DAB1: variants seen among roughly 807,000 people sequenced by gnomAD.
The protein encoded by DAB1 is DAB adaptor protein 1, also known as disabled homolog 1.
In DAB1, 15 loss-of-function variants were observed where a neutral mutation model predicts 64.6. The observed-to-expected ratio is 0.23, with a 90% CI of 0.16 to 0.36. The LOEUF (loss-of-function observed/expected upper bound fraction) is 0.36, where lower values mean the gene tolerates loss of function less well. DAB1 is among the 10% of genes least tolerant of loss of function. The pLI, the probability that DAB1 is intolerant of heterozygous loss-of-function variation, is 1.00. For missense variants in DAB1, 596 were observed against 706.7 expected (o/e 0.84, Z 1.78); for synonymous variants, 235 against 251.9 (o/e 0.93, Z 0.64).
intron 4 of DAB1, among the ~76,000 whole-genome samples, chr1:58,298,007 C>A (rs559213035): frequency 2.6e-5 from 4 of 152,176 alleles, no homozygotes; most frequent in South Asian, 2.1e-4. Context: ...AAAGCGCTTT[C>A]AAGTAAAGTA....
At chr1:58,166,750 G>A (rs866409318) in intron 4 of DAB1, among the ~76,000 whole-genome samples, 2 of 134,956 alleles carry the variant, frequency 1.5e-5, no homozygotes, top group Non-Finnish European at 1.6e-5. Context: ...TTGTTTGTTC[G>A]TTTTTTTTTT....
intron 5 of DAB1, among the ~76,000 whole-genome samples, chr1:58,092,412 T>TGATCC (rs1369842817): frequency 6.6e-6 from 1 of 152,168 alleles, no homozygotes; most frequent in Non-Finnish European, 1.5e-5. Flanking sequence ...CCTCTTCAGC[T>TGATCC]GATCCCCTCA....
At chr1:57,632,828 ATTG>A in intron 7 of DAB1, among the ~76,000 whole-genome samples, 1 of 152,298 alleles carries the variant, frequency 6.6e-6, no homozygotes, top group South Asian at 2.1e-4. Context: ...GAAGTAAGGA[ATTG>A]TTATTCTCTG....
At chr1:57,624,431 T>A (rs1039748917) in intron 7 of DAB1, among the ~76,000 whole-genome samples, 1 of 152,146 alleles carries the variant, frequency 6.6e-6, no homozygotes, top group Non-Finnish European at 1.5e-5. Flanking sequence ...TGGTTGGGCA[T>A]ACTCAATGAG....
chr1:57,470,433 A>G (rs1013732136), intron 7 of DAB1, among the ~76,000 whole-genome samples: 1 of 152,206 alleles, frequency 6.6e-6, no homozygotes, highest in South Asian at 2.1e-4. Flanking sequence ...CCTACAATTT[A>G]AAGTGTTCTT....
chr1:57,178,574 T>A (rs1321630622), intron 2 of DAB1, among the ~76,000 whole-genome samples: 1 of 152,150 alleles, frequency 6.6e-6, no homozygotes, highest in Non-Finnish European at 1.5e-5. Context: ...GATAAAACTA[T>A]AGAGAAAAGC....
chr1:57,822,726 A>G (rs1435050848), downstream of DAB1, among the ~76,000 whole-genome samples: 1 of 152,180 alleles, frequency 6.6e-6, no homozygotes, highest in Non-Finnish European at 1.5e-5. Context: ...GTAAGTTTGC[A>G]TTTTCTAGTA....
chr1:58,079,364 A>C (rs1477914130), intron 5 of DAB1, among the ~76,000 whole-genome samples: 2 of 152,074 alleles, frequency 1.3e-5, no homozygotes, highest in Admixed American at 1.3e-4. Flanking sequence ...TTACCACTGC[A>C]TCATGTACTT....
chr1:57,840,199 G>T (rs1399033189), intron 1 of DAB1, among the ~76,000 whole-genome samples: 1 of 152,176 alleles, frequency 6.6e-6, no homozygotes, highest in Non-Finnish European at 1.5e-5. Context: ...AATGTTAGAA[G>T]GGAGCTCAGT....
intron 2 of DAB1, among the ~76,000 whole-genome samples, chr1:57,277,877 A>G (rs1671594473): frequency 6.6e-6 from 1 of 152,206 alleles, no homozygotes; most frequent in African/African-American, 2.4e-5. Flanking sequence ...TGCAAGTCCC[A>G]GCATGGTGTG....
intron 11 of DAB1, 113 bp from the exon 12 acceptor site, chr1:57,015,544 G>A (rs1646402579): frequency 1.1e-6 from 1 of 947,096 alleles, no homozygotes; most frequent in Admixed American, 2.8e-5. Context: ...GTGCCAGACT[G>A]TGTGCCAGGG....
intron 5 of DAB1, among the ~76,000 whole-genome samples, chr1:58,040,560 TC>T (rs1647119828): frequency 1.3e-5 from 2 of 152,350 alleles, no homozygotes; most frequent in Middle Eastern, 6.8e-3. Flanking sequence ...ATAAAATGAC[TC>T]CCAACTTTTA....
intron 2 of DAB1, among the ~76,000 whole-genome samples, chr1:57,238,332 G>A (rs1216688657): frequency 6.6e-6 from 1 of 152,206 alleles, no homozygotes; most frequent in Non-Finnish European, 1.5e-5. Context: ...TGTAGCAAGA[G>A]GCTTACAGCC....
chr1:58,437,704 T>C (rs706431), intron 3 of DAB1, among the ~76,000 whole-genome samples: 89,411 of 152,078 alleles, frequency 0.59, 26,898 homozygotes, highest in African/African-American at 0.71. Context: ...TATCTGTAAG[T>C]ATTTGTGGGG....
intron 6 of DAB1, among the ~76,000 whole-genome samples, chr1:57,798,270 G>C (rs2101868720): frequency 6.6e-6 from 1 of 152,340 alleles, no homozygotes; most frequent in African/African-American, 2.4e-5. Flanking sequence ...GAGAGCTGCG[G>C]TGACTTGCTC....
intron 4 of DAB1, among the ~76,000 whole-genome samples, chr1:57,110,349 G>T (rs573196574): frequency 9.2e-5 from 14 of 152,320 alleles, no homozygotes; most frequent in African/African-American, 2.4e-4. Flanking sequence ...CATGTTCAAT[G>T]CTGTTCTGCA....
intron 5 of DAB1, among the ~76,000 whole-genome samples, chr1:57,932,861 T>C (rs890723200): frequency 1.3e-5 from 2 of 152,196 alleles, no homozygotes; most frequent in Non-Finnish European, 2.9e-5. Context: ...GTAGACAAAA[T>C]ATAGTTGGGG....
At chr1:58,309,273 G>C (rs917784477) in intron 4 of DAB1, among the ~76,000 whole-genome samples, 2 of 152,118 alleles carry the variant, frequency 1.3e-5, no homozygotes, top group African/African-American at 2.4e-5. Context: ...GTCAAACAAT[G>C]GATTATATTA....
At chr1:57,193,379 A>ATTTTTTTTT (rs1328631874) in intron 2 of DAB1, among the ~76,000 whole-genome samples, 10 of 71,580 alleles carry the variant, frequency 1.4e-4, no homozygotes, top group African/African-American at 3.3e-4. Context: ...TCCGTAGCAT[A>ATTTTTTTTT]TGTTTTTTTT....
Sources: allele counts gnomAD v4.1 joint callset (sites outside exome capture counted in the v4.1 genomes callset), GRCh38; gene constraint gnomAD v4.1.1; transcripts MANE v1.5; gene names NCBI Gene and HGNC (gene_info 2026-07-23, HGNC 2026-07-21).